SUPT3H: variants seen among roughly 807,000 people sequenced by gnomAD.
The protein encoded by SUPT3H is SPT3 homolog, SAGA and STAGA complex component, also known as transcription initiation protein SPT3 homolog.
SUPT3H carries 44 observed loss-of-function variants against 44.3 expected under a neutral mutation model. The ratio of observed to expected loss-of-function variants is 0.99; its 90% CI spans 0.78 to 1.28. SUPT3H has a LOEUF of 1.28. Among genes scored for constraint, SUPT3H ranks in the 50% most tolerant of loss-of-function variants. SUPT3H has a pLI of 0.00. For missense variants in SUPT3H, 380 were observed against 387.1 expected, an observed-to-expected ratio of 0.98 and a Z score of 0.15; for synonymous variants, 124 against 125.6, an observed-to-expected ratio of 0.99 and a Z score of 0.09.
At chr6:44,837,848 T>C (rs774439452) in intron 10 of SUPT3H, among the ~76,000 whole-genome samples, 30 of 152,206 alleles carry the variant, frequency 2.0e-4, no homozygotes, top group Non-Finnish European at 4.1e-4. Flanking sequence ...TTTACAATCT[T>C]GGTTTTGTAG....
At chr6:45,288,585 A>C (rs1315338007) in intron 2 of SUPT3H, among the ~76,000 whole-genome samples, 4 of 36,802 alleles carry the variant, frequency 1.1e-4, no homozygotes, top group South Asian at 1.0e-3. Context: ...ATATATATGT[A>C]TATATATATA....
chr6:45,367,184 A>G (rs1795276983), intron 1 of SUPT3H, among the ~76,000 whole-genome samples: 1 of 152,180 alleles, frequency 6.6e-6, no homozygotes, highest in African/African-American at 2.4e-5. Flanking sequence ...GAATATCCCA[A>G]TATCCCTCTG....
chr6:44,871,012 C>A (rs1300821896), intron 10 of SUPT3H, among the ~76,000 whole-genome samples: 1 of 150,398 alleles, frequency 6.6e-6, no homozygotes, highest in Non-Finnish European at 1.5e-5. Context: ...CACGGAATCT[C>A]GCTGATTGCT....
chr6:44,964,774 G>T lies in SUPT3H; in HGVS notation c.505-2946C>A, dbSNP rs551979318. On this transcript the variant is annotated intron_variant, in intron 6 of 10. Transcript: ENST00000371459. ...CATTTATCCAGTGCCTAGCACACAG[G>T]AAACACTCCACGCAAAGCAGCTGAC... Among the ~76,000 whole-genome samples, 10 of 152,210 alleles carry T rather than the reference G, an allele frequency of 6.6e-5. No homozygotes were observed. The South Asian group carries it at 1.9e-3, about 29-fold the overall frequency.
intron 3 of SUPT3H, among the ~76,000 whole-genome samples, chr6:45,101,247 G>GAAA (rs1023644504): frequency 3.3e-5 from 5 of 152,182 alleles, no homozygotes; most frequent in African/African-American, 1.2e-4. Flanking sequence ...CCAACATGGA[G>GAAA]AAATCCCATC....
intron 2 of SUPT3H, among the ~76,000 whole-genome samples, chr6:45,306,520 G>T (rs1217446752): frequency 6.6e-6 from 1 of 152,156 alleles, no homozygotes; most frequent in African/African-American, 2.4e-5. Context: ...TAAGGTGAAG[G>T]TCTTTCCATA....
chr6:45,294,757 A>C (rs1161140226), intron 2 of SUPT3H, among the ~76,000 whole-genome samples: 8 of 148,338 alleles, frequency 5.4e-5, no homozygotes, highest in Non-Finnish European at 7.5e-5. Flanking sequence ...AAAAAAAAAA[A>C]AAAAAACAAC....
chr6:44,822,900 T>C (rs1767441089), downstream of SUPT3H, among the ~76,000 whole-genome samples: 1 of 151,908 alleles, frequency 6.6e-6, no homozygotes, highest in African/African-American at 2.4e-5. Flanking sequence ...GGTGGACTAC[T>C]AGAGGTGAGG....
At chr6:45,126,199 G>A (rs1802407327) in intron 2 of SUPT3H, among the ~76,000 whole-genome samples, 1 of 152,132 alleles carries the variant, frequency 6.6e-6, no homozygotes, top group African/African-American at 2.4e-5. Flanking sequence ...TGATTTACAG[G>A]GTGGCCCATT....
intron 10 of SUPT3H, among the ~76,000 whole-genome samples, chr6:44,883,773 G>A (rs751662993): frequency 6.6e-6 from 1 of 152,124 alleles, no homozygotes; most frequent in Non-Finnish European, 1.5e-5. Context: ...AATGGGGAAA[G>A]GATTCCCTAT....
At chr6:45,253,925 A>G (rs979944314) in intron 2 of SUPT3H, among the ~76,000 whole-genome samples, 5 of 148,114 alleles carry the variant, frequency 3.4e-5, no homozygotes, top group Admixed American at 2.7e-4. Context: ...GCACCAGAAC[A>G]AAAATACATA....
At chr6:44,841,043 C>T (rs1423877594) in intron 10 of SUPT3H, among the ~76,000 whole-genome samples, 1 of 152,126 alleles carries the variant, frequency 6.6e-6, no homozygotes, top group East Asian at 1.9e-4. Context: ...CTGTGATGTG[C>T]CTGCTTCCCC....
At chr6:44,857,824 C>T (rs910796935) in intron 10 of SUPT3H, among the ~76,000 whole-genome samples, 2 of 152,160 alleles carry the variant, frequency 1.3e-5, no homozygotes, top group Admixed American at 1.3e-4. Flanking sequence ...AAATCATATA[C>T]ATTTTTGCCA....
At chr6:45,019,145 G>T (rs1368272031) in intron 4 of SUPT3H, among the ~76,000 whole-genome samples, 1 of 151,968 alleles carries the variant, frequency 6.6e-6, no homozygotes, top group African/African-American at 2.4e-5. Context: ...AGAGGTGTTT[G>T]TAGTATTCTC....
rs945713954 is a variant in SUPT3H, at chr6:45,104,189, G to T, written c.186+1733C>A. Reference sequence around the variant, plus strand: ...TGGGTAAATACAAAATAGGCCATATGCTTCCTTTTTTATCTACATTCCTTA... The same window carrying T: ...TGGGTAAATACAAAATAGGCCATATTCTTCCTTTTTTATCTACATTCCTTA... On this transcript the variant is annotated intron_variant, in intron 3 of 10. Transcript: ENST00000371459. Among the ~76,000 whole-genome samples the T allele has an allele frequency of 3.4e-4, 51 of 152,076 alleles. 1 individual carries two copies. Among genetic ancestry groups the T allele is most frequent in the African/African-American group, 1.2e-3 (49 of 41,442 alleles).
chr6:45,043,608 GAAC>G (rs1788929045), intron 3 of SUPT3H, among the ~76,000 whole-genome samples: 1 of 151,906 alleles, frequency 6.6e-6, no homozygotes, highest in South Asian at 2.1e-4. Context: ...TGGAAATGAA[GAAC>G]AAAAAGAGGT....
intron 10 of SUPT3H, among the ~76,000 whole-genome samples, chr6:44,887,945 C>T (rs867829546): frequency 8.5e-5 from 13 of 152,084 alleles, no homozygotes; most frequent in South Asian, 4.1e-4. Flanking sequence ...ATATCACCAC[C>T]GATCCCACAG....
intron 2 of SUPT3H, among the ~76,000 whole-genome samples, chr6:45,121,414 T>C (rs566427012): frequency 3.9e-5 from 6 of 152,192 alleles, no homozygotes; most frequent in African/African-American, 1.4e-4. Context: ...TCCTGAGTAT[T>C]GACAAGGAAT....
chr6:45,020,411 C>G (rs574691520), intron 4 of SUPT3H, 135 bp downstream of exon 4: 3 of 632,942 alleles, frequency 4.7e-6, no homozygotes, highest in East Asian at 6.0e-5. Flanking sequence ...GTCGTCCAAA[C>G]CATGAAGACT....
Sources: gnomAD v4.1 joint callset for allele counts (sites outside exome capture counted in the v4.1 genomes callset) on GRCh38, gnomAD v4.1.1 for gene constraint, MANE v1.5 for transcripts, NCBI Gene and HGNC (gene_info 2026-07-23, HGNC 2026-07-21) for gene names.